RGS8: variants seen among roughly 807,000 people sequenced by gnomAD.
RGS8 encodes the protein regulator of G protein signaling 8, also known as regulator of G-protein signaling 8.
RGS8 carries 8 observed loss-of-function variants against 21.7 expected under a neutral mutation model. The ratio of observed to expected loss-of-function variants is 0.37; its 90% CI spans 0.22 to 0.66. The LOEUF is 0.66. Ranked by LOEUF, RGS8 falls within the 30% of genes least tolerant of loss-of-function variation. The pLI, the probability that RGS8 is intolerant of heterozygous loss-of-function variation, is 0.59. For missense variants in RGS8, 157 were observed against 217.9 expected (o/e 0.72, Z 1.76); for synonymous variants, 80 against 83.6 (o/e 0.96, Z 0.24).
chr1:182,649,807 C>T (rs1256270532), intron 5 of RGS8, among the ~76,000 whole-genome samples: 1 of 152,062 alleles, frequency 6.6e-6, no homozygotes, highest in Non-Finnish European at 1.5e-5. Context: ...GCACATACAA[C>T]CTAGAATAAA....
At chr1:182,748,673 A>T in the RGS8 span, among the ~76,000 whole-genome samples, 1 of 152,104 alleles carries the variant, frequency 6.6e-6, no homozygotes, top group Admixed American at 6.6e-5. Context: ...TTTCGAGGAA[A>T]CTTCATACTG....
chr1:182,742,654 A>G, the RGS8 span, among the ~76,000 whole-genome samples: 1 of 152,178 alleles, frequency 6.6e-6, no homozygotes, highest in South Asian at 2.1e-4. Context: ...CAGGAGAATC[A>G]GGCAGGGAGG....
At chr1:182,669,020 C>T (rs903307908) in intron 3 of RGS8, among the ~76,000 whole-genome samples, 1 of 152,232 alleles carries the variant, frequency 6.6e-6, no homozygotes, top group South Asian at 2.1e-4. Context: ...AATCACAAAT[C>T]CACGCAAGCC....
chr1:182,721,040 C>CACATATATATGTGTGT, the RGS8 span, among the ~76,000 whole-genome samples: 1 of 72,862 alleles, frequency 1.4e-5, no homozygotes, highest in Non-Finnish European at 2.8e-5. Flanking sequence ...TGTATATATA[C>CACATATATATGTGTGT]ATATACATAC....
chr1:182,740,557 T>G, the RGS8 span, among the ~76,000 whole-genome samples: 686 of 142,842 alleles, frequency 4.8e-3, 4 homozygotes, highest in African/African-American at 0.017. Context: ...TGTTTTTTTT[T>G]TTTTTTTTTT....
chr1:182,706,455 G>T, the RGS8 span, among the ~76,000 whole-genome samples: 1 of 151,994 alleles, frequency 6.6e-6, no homozygotes, highest in African/African-American at 2.4e-5. Context: ...CTCATCCATG[G>T]GCTAACTCAT....
chr1:182,735,796 C>T, the RGS8 span, among the ~76,000 whole-genome samples: 2 of 152,182 alleles, frequency 1.3e-5, no homozygotes, highest in African/African-American at 4.8e-5. Context: ...CTCTGTCTGA[C>T]CAGCTTCATG....
chr1:182,696,982 G>T, the RGS8 span, among the ~76,000 whole-genome samples: 1 of 152,196 alleles, frequency 6.6e-6, no homozygotes, highest in African/African-American at 2.4e-5. Context: ...TCATCTGTCT[G>T]GCTAAGCAAG....
upstream of RGS8, among the ~76,000 whole-genome samples, chr1:182,674,740 C>T (rs1183837297): frequency 1.3e-5 from 2 of 152,176 alleles, no homozygotes; most frequent in Admixed American, 6.5e-5. Flanking sequence ...CTCTACATTC[C>T]CCAGGCTTAG....
At chr1:182,673,262 G>T (rs1469785258), upstream of RGS8, among the ~76,000 whole-genome samples, 1 of 152,184 alleles carries the variant, frequency 6.6e-6, no homozygotes, top group Non-Finnish European at 1.5e-5. Context: ...AATGTATAAA[G>T]CATTTTCATG....
chr1:182,655,787 T>C (rs1663245588), intron 5 of RGS8, among the ~76,000 whole-genome samples: 1 of 146,336 alleles, frequency 6.8e-6, no homozygotes, highest in African/African-American at 2.5e-5. Context: ...TCTTAGCTGA[T>C]TGATTTTCAC....
At chr1:182,675,500 G>A (rs1008618146), upstream of RGS8, among the ~76,000 whole-genome samples, 2 of 152,070 alleles carry the variant, frequency 1.3e-5, no homozygotes, top group Non-Finnish European at 2.9e-5. Context: ...CCATAAAGTG[G>A]ATCATCTGTG....
chr1:182,721,206 C>T, the RGS8 span, among the ~76,000 whole-genome samples: 37 of 151,456 alleles, frequency 2.4e-4, 1 homozygote, highest in Admixed American at 6.6e-4. Context: ...TTCATTTACT[C>T]GATAAATATT....
chr1:182,701,064 A>G, the RGS8 span, among the ~76,000 whole-genome samples: 18 of 152,226 alleles, frequency 1.2e-4, no homozygotes, highest in Non-Finnish European at 1.9e-4. Flanking sequence ...AAGGTTTTAA[A>G]TGTGTCAAAT....
chr1:182,721,915 G>A, the RGS8 span, among the ~76,000 whole-genome samples: 5 of 151,982 alleles, frequency 3.3e-5, no homozygotes, highest in Non-Finnish European at 7.4e-5. Context: ...TATCATTAAT[G>A]TCTAGTCAAA....
intron 1 of RGS8, among the ~76,000 whole-genome samples, chr1:182,680,999 C>T (rs1664518189): frequency 6.6e-6 from 1 of 152,192 alleles, no homozygotes; most frequent in African/African-American, 2.4e-5. Context: ...TCTCTGAAAT[C>T]AGAATTACTA....
intron 2 of RGS8, among the ~76,000 whole-genome samples, chr1:182,669,975 C>T (rs1664076105): frequency 1.3e-5 from 2 of 152,220 alleles, no homozygotes; most frequent in Admixed American, 1.3e-4. Context: ...TTCCTGATTC[C>T]CCAACCACTG....
chr1:182,653,967 T>C lies in RGS8; in HGVS notation c.194-5664A>G, dbSNP rs184123723. The stretch of plus-strand genomic sequence containing the variant: ...AGCGCCTAGGAAAGGTAGGGTGTTG[T>C]TTTTACTTATTTATTTAGGATGCGG... On this transcript the variant is annotated intron_variant, in intron 5 of 6. Coordinates refer to ENST00000483095, the Ensembl canonical transcript of RGS8. Among the ~76,000 whole-genome samples the C allele has an allele frequency of 4.1e-3, 625 of 152,114 alleles. 4 individuals carry two copies. The highest frequency in any genetic ancestry group is 0.014 in the African/African-American group (598 of 41,496).
chr1:182,710,683 C>G, the RGS8 span, among the ~76,000 whole-genome samples: 9 of 152,236 alleles, frequency 5.9e-5, no homozygotes, highest in African/African-American at 1.7e-4. Flanking sequence ...CGCTTTAAAT[C>G]TGCTGTTACC....
Sources: allele counts gnomAD v4.1 joint callset (sites outside exome capture counted in the v4.1 genomes callset), GRCh38; gene constraint gnomAD v4.1.1; transcripts MANE v1.5; gene names NCBI Gene and HGNC (gene_info 2026-07-23, HGNC 2026-07-21).